E2F3: variants seen among roughly 807,000 people sequenced by gnomAD.
E2F3 encodes transcription factor E2F3.
In E2F3, 11 loss-of-function variants were observed where a neutral mutation model predicts 44.4. The ratio of observed to expected loss-of-function variants is 0.25; its 90% CI spans 0.16 to 0.41. The LOEUF is 0.41. Among genes scored for constraint, E2F3 ranks in the 10% least tolerant of loss-of-function variants. E2F3 has a pLI of 1.00. For synonymous variants in E2F3, 249 were observed against 253.0 expected (o/e 0.98, Z 0.15); for missense variants, 487 against 583.6 (o/e 0.83, Z 1.70).
chr6:20,425,620 C>T (rs1760190541), intron 1 of E2F3, among the ~76,000 whole-genome samples: 1 of 152,126 alleles, frequency 6.6e-6, no homozygotes, highest in African/African-American at 2.4e-5. Flanking sequence ...AACTCCTGAC[C>T]CTAGGTGATC....
intron 1 of E2F3, among the ~76,000 whole-genome samples, chr6:20,473,535 A>G (rs1761956125): frequency 1.3e-5 from 2 of 152,128 alleles, no homozygotes; most frequent in Non-Finnish European, 2.9e-5. Flanking sequence ...AAAGGTCTGT[A>G]TCTATCAGTG....
intron 1 of E2F3, 76 bp from the exon 2 acceptor site, chr6:20,479,770 G>T: frequency 2.3e-6 from 3 of 1,304,220 alleles, no homozygotes; most frequent in Non-Finnish European, 3.2e-6. Flanking sequence ...CATTTGGCAG[G>T]CCAGCCCACA....
chr6:20,416,441 T>C (rs1305111028), intron 1 of E2F3, among the ~76,000 whole-genome samples: 3 of 152,222 alleles, frequency 2.0e-5, no homozygotes, highest in Non-Finnish European at 2.9e-5. Context: ...GTTTGTGTCA[T>C]AGTTGGTGAA....
At position 20,492,254 on chromosome 6, in the gene E2F3, G is replaced by A. The variant is rs1762573756; in HGVS notation, c.*1824G>A. ...GGTGGGGTCAAGACAGATGACACCA[G>A]CACTTTAAACTCTTTGTGTGGGTAT... On this transcript the variant is annotated 3_prime_UTR_variant, in exon 7 of 7. Coordinates refer to ENST00000346618, the MANE Select transcript of E2F3 (RefSeq NM_001949.5). The A allele has an allele frequency of 8.7e-6, 2 of 231,196 alleles. No individual in the cohort carries two copies. The highest frequency in any genetic ancestry group is 1.7e-5 in the Non-Finnish European group (2 of 116,610). The allele number at this position is 231,196 out of a possible 1,614,324, so 14.3% of individuals were successfully genotyped here. A position where few individuals can be genotyped will look rare whatever the true frequency, so the allele number is the denominator to read the frequency against.
intron 1 of E2F3, among the ~76,000 whole-genome samples, chr6:20,405,996 A>G (rs1759482440): frequency 1.3e-5 from 2 of 152,162 alleles, no homozygotes; most frequent in African/African-American, 4.8e-5. Flanking sequence ...CCTAAGCAGG[A>G]AAGACAGGAT....
At chr6:20,403,714 C>G in intron 1 of E2F3, 1 of 1,022,728 alleles carries the variant, frequency 9.8e-7, no homozygotes, top group Non-Finnish European at 1.4e-6. Context: ...CACCCCCCCA[C>G]CGGCGCCCGC....
intron 1 of E2F3, among the ~76,000 whole-genome samples, chr6:20,462,087 T>C (rs1387626060): frequency 6.6e-6 from 1 of 152,252 alleles, no homozygotes; most frequent in Non-Finnish European, 1.5e-5. Flanking sequence ...TCTTGGGTTA[T>C]ATGTTCTTTT....
At chr6:20,464,887 G>A (rs1761650280) in intron 1 of E2F3, among the ~76,000 whole-genome samples, 1 of 152,172 alleles carries the variant, frequency 6.6e-6, no homozygotes, top group Non-Finnish European at 1.5e-5. Flanking sequence ...GTACAATTCA[G>A]TACTAGCTAG....
chr6:20,451,953 G>T lies in E2F3; in HGVS notation c.394-27893G>T, dbSNP rs559225714. Among the ~76,000 whole-genome samples the T allele has an allele frequency of 6.6e-5, 10 of 152,236 alleles. No homozygotes were observed. The East Asian group carries it at 1.7e-3, about 26-fold the overall frequency. On this transcript the variant is annotated intron_variant, in intron 1 of 6. Coordinates refer to ENST00000346618, the MANE Select transcript of E2F3 (RefSeq NM_001949.5). ...AGCTTTTTGATGTGCTAGTGGGTTT[G>T]TTTTGCCAGTATTTTATTGAGGATT...
Position 20,402,272 on chromosome 6 carries a change from G to C in E2F3, c.40G>C (p.Val14Leu). Residue 14 changes from valine (V) to leucine (L), a missense_variant, in exon 1 of 7, where the codon GTG becomes CTG. Around this residue, in one of 3 missense-constraint regions of E2F3, gnomAD observed 238 missense variants for 236.0 expected, o/e 1.01. Transcript: ENST00000346618. This position sits in a 1 kb window ranked among gnomAD's most constrained non-coding sequence, Gnocchi z 5.6. ...GIQPALEQYL[V>L]TAGGGEGAAV... ...CCAGCCCGCTCTGGAGCAGTACCTG[G>C]TGACCGCCGGGGGTGGGGAGGGGGC... The C allele has an allele frequency of 6.2e-7, 1 of 1,607,998 alleles. No individual in the cohort carries two copies. The highest frequency in any genetic ancestry group is 8.5e-7 in the Non-Finnish European group (1 of 1,178,530).
In E2F3 at chr6:20,492,876, G is replaced by A. The variant is rs1040659012; in HGVS notation, c.*2446G>A. 6.8e-5 allele frequency: 15 copies of A among 219,320 alleles called. No individual in the cohort carries two copies. The highest frequency in any genetic ancestry group is 1.3e-4 in the Non-Finnish European group (14 of 109,144). The allele number at this position is 219,320 out of a possible 1,614,324, so 13.6% of individuals were successfully genotyped here. The stretch of plus-strand genomic sequence containing the variant: ...AGTGGGTTAGTACTACAGTATTTGC[G>A]TTACTTTAAGTACTAAGTATGCAGG... On this transcript the variant is annotated 3_prime_UTR_variant, in exon 7 of 7. Transcript: ENST00000346618.
intron 1 of E2F3, among the ~76,000 whole-genome samples, chr6:20,444,471 TC>T (rs1459085360): frequency 2.6e-5 from 4 of 152,220 alleles, no homozygotes; most frequent in African/African-American, 7.2e-5. Context: ...CTTAGTTCAT[TC>T]CTACAGAAAA....
Position 20,490,370 on chromosome 6 carries a change from T to G in E2F3, c.1338T>G (p.Asp446Glu). 2 of 1,613,102 alleles carry G rather than the reference T, an allele frequency of 1.2e-6. No homozygotes were observed. The highest frequency in any genetic ancestry group is 1.1e-5 in the South Asian group (1 of 90,876). Reference sequence around the variant, plus strand: ...TCGGGGAGGAGGAAGGCATCAGCGATCTCTTCGATGCTTACGATTTGGAAA... The same window carrying G: ...TCGGGGAGGAGGAAGGCATCAGCGAGCTCTTCGATGCTTACGATTTGGAAA... ...LSLGEEEGIS[D>E]LFDAYDLEKL... The change falls in exon 7 of 7, where the codon GAT (aspartate) becomes GAG (glutamate). Residue 446 changes from aspartate (D) to glutamate (E), a missense_variant. Coordinates refer to ENST00000346618, the MANE Select transcript of E2F3 (RefSeq NM_001949.5). The surrounding 1 kb of genome is among the most constrained non-coding windows in gnomAD (Gnocchi z 4.3).
chr6:20,402,558 G>T lies in E2F3; in HGVS notation c.326G>T (p.Arg109Ile), dbSNP rs776338397. 1 of 1,560,346 alleles carries T rather than the reference G, an allele frequency of 6.4e-7. No homozygotes were observed. ...ACCACGCCGCACGGACCCTCCAGCA[G>T]AGCCGGGCTGCTGCAGCAGCCACCA... ...LYTTPHGPSS[R>I]AGLLQQPPAL... Residue 109 changes from arginine (R) to isoleucine (I), a missense_variant, in exon 1 of 7, where the codon AGA becomes ATA. Physicochemically the swap from Arg to Ile is moderately conservative, Grantham distance 97. Transcript: ENST00000346618. The surrounding 1 kb of genome is among the most constrained non-coding windows in gnomAD (Gnocchi z 5.6).
chr6:20,460,185 T>G (rs1280170795), intron 1 of E2F3, among the ~76,000 whole-genome samples: 1 of 152,216 alleles, frequency 6.6e-6, no homozygotes, highest in East Asian at 1.9e-4. Context: ...TTCCCTAGAC[T>G]TTTTTGTTTG....
intron 1 of E2F3, among the ~76,000 whole-genome samples, chr6:20,417,860 G>A (rs913730013): frequency 4.6e-5 from 7 of 152,006 alleles, no homozygotes; most frequent in African/African-American, 1.2e-4. Flanking sequence ...GGTTCTATTC[G>A]AAAAATATCT....
intron 1 of E2F3, among the ~76,000 whole-genome samples, chr6:20,406,106 T>C (rs1408116821): frequency 6.6e-6 from 1 of 152,228 alleles, no homozygotes; most frequent in Non-Finnish European, 1.5e-5. Context: ...CAGACCTATC[T>C]GGTTCTGATC....
At position 20,479,942 on chromosome 6, in the gene E2F3, C is replaced by T; in HGVS notation, c.490C>T (p.Pro164Ser). The T allele has an allele frequency of 6.2e-7, 1 of 1,609,340 alleles. No individual in the cohort carries two copies. The highest frequency in any genetic ancestry group is 8.5e-7 in the Non-Finnish European group (1 of 1,177,598). The change falls in exon 2 of 7, where the codon CCA (proline) becomes TCA (serine). Residue 164 changes from proline (P) to serine (S), a missense_variant. Physicochemically the swap from Pro to Ser is moderately conservative, Grantham distance 74. Coordinates refer to ENST00000346618, the MANE Select transcript of E2F3 (RefSeq NM_001949.5). ...KGKGRAALRS[P>S]DSPKTPKSPS... Reference sequence around the variant, plus strand: ...CAAAGGAAGAGCTGCACTACGAAGTCCAGATAGTCCAAAAAGTAAGGATCT... The same window carrying T: ...CAAAGGAAGAGCTGCACTACGAAGTTCAGATAGTCCAAAAAGTAAGGATCT...
chr6:20,480,039 AGG>A (rs1762171246), intron 2 of E2F3, 82 bp downstream of exon 2: 7 of 1,501,594 alleles, frequency 4.7e-6, no homozygotes, highest in African/African-American at 1.4e-5. Flanking sequence ...AAGGATGCCA[AGG>A]TGTGAATAAT....
Sources: allele counts gnomAD v4.1 joint callset (sites outside exome capture counted in the v4.1 genomes callset), GRCh38; gene constraint gnomAD v4.1.1; regional missense constraint gnomAD v4.1.1; non-coding constraint Gnocchi (gnomAD v3.1); transcripts MANE v1.5; gene names NCBI Gene and HGNC (gene_info 2026-07-23, HGNC 2026-07-21).